The following ALCAM variants were observed in gnomAD, a reference collection of about 807,000 sequenced individuals.
ALCAM encodes the protein CD166 antigen.
In ALCAM, 30 loss-of-function variants were observed where a neutral mutation model predicts 70.9. The observed-to-expected ratio is 0.42, with a 90% CI of 0.32 to 0.57. ALCAM has a LOEUF of 0.57. Ranked by LOEUF, ALCAM falls within the 20% of genes least tolerant of loss-of-function variation. The pLI is 0.11. For synonymous variants in ALCAM, 249 were observed against 242.5 expected, an observed-to-expected ratio of 1.03 and a Z score of -0.25; for missense variants, 591 against 695.1, an observed-to-expected ratio of 0.85 and a Z score of 1.68.
At chr3:105,429,611 C>CTT (rs1936877092) in intron 1 of ALCAM, among the ~76,000 whole-genome samples, 1 of 151,888 alleles carries the variant, frequency 6.6e-6, no homozygotes, top group Admixed American at 6.6e-5. Context: ...GTGACCCTAC[C>CTT]TTTAATCTTC....
At chr3:105,433,663 A>C (rs367566578) in intron 1 of ALCAM, among the ~76,000 whole-genome samples, 177 of 151,158 alleles carry the variant, frequency 1.2e-3, no homozygotes, top group African/African-American at 4.2e-3. Flanking sequence ...AATTAAGATC[A>C]ATGCAGTTTT....
intron 3 of ALCAM, among the ~76,000 whole-genome samples, chr3:105,526,347 G>A (rs1264017543): frequency 2.0e-5 from 3 of 150,212 alleles, no homozygotes; most frequent in Non-Finnish European, 4.4e-5. Context: ...CTGTAAATCA[G>A]GCCAAATCTG....
At chr3:105,510,167 T>C (rs905534293) in intron 1 of ALCAM, among the ~76,000 whole-genome samples, 2 of 152,002 alleles carry the variant, frequency 1.3e-5, no homozygotes, top group African/African-American at 2.4e-5. Context: ...GTGTGGAGAA[T>C]AAGCATACCG....
At chr3:105,470,904 AT>A (rs1937907330) in intron 1 of ALCAM, among the ~76,000 whole-genome samples, 1 of 151,300 alleles carries the variant, frequency 6.6e-6, no homozygotes, top group Admixed American at 6.6e-5. Flanking sequence ...TTTACTTTAA[AT>A]TCATGAGGAA....
intron 11 of ALCAM, among the ~76,000 whole-genome samples, chr3:105,548,548 C>T (rs1940310383): frequency 6.6e-6 from 1 of 151,384 alleles, no homozygotes; most frequent in African/African-American, 2.4e-5. Flanking sequence ...CCAGCTTACG[C>T]CATGCAGTTT....
chr3:105,423,468 GCA>G (rs1936717803), intron 1 of ALCAM, among the ~76,000 whole-genome samples: 1 of 147,618 alleles, frequency 6.8e-6, no homozygotes, highest in Non-Finnish European at 1.5e-5. Context: ...TAGCTACTAG[GCA>G]TTTTTTTTTA....
chr3:105,394,478 C>T (rs1204818149), intron 1 of ALCAM, among the ~76,000 whole-genome samples: 4 of 151,966 alleles, frequency 2.6e-5, no homozygotes, highest in African/African-American at 9.7e-5. Flanking sequence ...ATAGAAATGT[C>T]TCTGCTTCTT....
chr3:105,384,668 C>A (rs896333751), intron 1 of ALCAM, among the ~76,000 whole-genome samples: 11 of 151,482 alleles, frequency 7.3e-5, no homozygotes, highest in Non-Finnish European at 1.2e-4. Context: ...CAACACATTA[C>A]CACTGATAAC....
intron 1 of ALCAM, among the ~76,000 whole-genome samples, chr3:105,488,855 C>T (rs1938504500): frequency 6.6e-6 from 1 of 152,128 alleles, no homozygotes; most frequent in African/African-American, 2.4e-5. Flanking sequence ...CCTTGTTGGA[C>T]TCCCGTATTC....
chr3:105,367,337 C>A lies in ALCAM; in HGVS notation c.-72C>A. The A allele has an allele frequency of 1.9e-6, 3 of 1,546,020 alleles. No individual in the cohort carries two copies. The South Asian group carries it at 3.4e-5, about 18-fold the overall frequency. On this transcript the variant is annotated 5_prime_UTR_variant, in exon 1 of 16. Transcript: ENST00000306107. Reference sequence around the variant, plus strand: ...TCGGGACCCGCCAGCGCGCGGGCACCGCGGGGCCCGGGACGACGCCCCCTC... The same window carrying A: ...TCGGGACCCGCCAGCGCGCGGGCACAGCGGGGCCCGGGACGACGCCCCCTC...
intron 1 of ALCAM, among the ~76,000 whole-genome samples, chr3:105,437,580 T>A (rs1365204241): frequency 6.6e-6 from 1 of 152,114 alleles, no homozygotes; most frequent in East Asian, 1.9e-4. Flanking sequence ...GGTACATAGA[T>A]GGTAGGGAAA....
At chr3:105,437,682 T>C (rs1304725578) in intron 1 of ALCAM, among the ~76,000 whole-genome samples, 1 of 151,078 alleles carries the variant, frequency 6.6e-6, no homozygotes, top group Non-Finnish European at 1.5e-5. Context: ...GTACATTTTT[T>C]TTCCTCCAAA....
At chr3:105,494,572 C>G (rs182990523) in intron 1 of ALCAM, among the ~76,000 whole-genome samples, 1 of 151,994 alleles carries the variant, frequency 6.6e-6, no homozygotes, top group African/African-American at 2.4e-5. Flanking sequence ...TGTCAGACAA[C>G]AATTCTTTCT....
intron 1 of ALCAM, among the ~76,000 whole-genome samples, chr3:105,387,826 C>G (rs1326220825): frequency 6.6e-6 from 1 of 151,544 alleles, no homozygotes; most frequent in Non-Finnish European, 1.5e-5. Flanking sequence ...TGTTCTGCTT[C>G]TTTGCTTATA....
chr3:105,406,430 G>A (rs560495208), intron 1 of ALCAM, among the ~76,000 whole-genome samples: 2 of 152,142 alleles, frequency 1.3e-5, no homozygotes, highest in Non-Finnish European at 2.9e-5. Context: ...CATTGTATAA[G>A]GGCACTGGCT....
chr3:105,367,174 G>T lies in ALCAM; in HGVS notation c.-235G>T. ...TTGTCCCCGGAGGAGCAGCCGAAGG[G>T]CCCGTGGGCTGGTGTTGACCGGGAG... On this transcript the variant is annotated 5_prime_UTR_variant, in exon 1 of 16. Transcript: ENST00000306107. 1.8e-6 allele frequency: 1 copy of T among 545,422 alleles called. No individual in the cohort carries two copies. The highest frequency in any genetic ancestry group is 3.2e-5 in the East Asian group (1 of 31,216). 33.8% of individuals were successfully genotyped at this position (545,422 alleles called of 1,614,324 possible).
intron 1 of ALCAM, among the ~76,000 whole-genome samples, chr3:105,418,459 G>T (rs1837227): frequency 0.015 from 2,202 of 151,698 alleles, 46 homozygotes; most frequent in African/African-American, 0.051. Flanking sequence ...TCAAGCAGAT[G>T]TGCCTCTTTC....
intron 1 of ALCAM, among the ~76,000 whole-genome samples, chr3:105,408,265 C>G (rs1448176326): frequency 6.6e-6 from 1 of 151,546 alleles, no homozygotes; most frequent in Non-Finnish European, 1.5e-5. Context: ...GCAAAAAGAA[C>G]AAATCTGGAG....
chr3:105,516,121 AATTCTC>A (rs1939373915), intron 1 of ALCAM, among the ~76,000 whole-genome samples: 1 of 151,866 alleles, frequency 6.6e-6, no homozygotes, highest in South Asian at 2.1e-4. Context: ...TAGACTGTCT[AATTCTC>A]ATTCTATTTT....
Sources: gnomAD v4.1 joint callset for allele counts (sites outside exome capture counted in the v4.1 genomes callset) on GRCh38, gnomAD v4.1.1 for gene constraint, MANE v1.5 for transcripts, NCBI Gene and HGNC (gene_info 2026-07-23, HGNC 2026-07-21) for gene names.